Variants in CTBP2 observed in about 807,000 individuals in gnomAD.
The protein encoded by CTBP2 is C-terminal binding protein 2.
Under a neutral mutation model 80.3 loss-of-function variants are expected in CTBP2, and 30 were observed. That is an observed-to-expected ratio of 0.37 (90% confidence interval 0.28 to 0.51). The LOEUF (loss-of-function observed/expected upper bound fraction) is 0.51. CTBP2 is among the 20% of genes least tolerant of loss of function. The pLI is 0.93. For missense variants in CTBP2, 1,212 were observed against 1,375.3 expected (o/e 0.88, Z 1.88); for synonymous variants, 594 against 587.4 (o/e 1.01, Z -0.16).
chr10:125,071,365 G>C (rs1167915422), intron 2 of CTBP2, among the ~76,000 whole-genome samples: 1 of 152,242 alleles, frequency 6.6e-6, no homozygotes, highest in Non-Finnish European at 1.5e-5. Context: ...ATAAAATGCA[G>C]AACACTTGCT....
intron 1 of CTBP2, among the ~76,000 whole-genome samples, chr10:125,022,205 C>G (rs1270187266): frequency 6.6e-6 from 1 of 152,072 alleles, no homozygotes; most frequent in African/African-American, 2.4e-5. Context: ...CCGGTGCACA[C>G]ACATGCGCTG....
intron 2 of CTBP2, among the ~76,000 whole-genome samples, chr10:125,053,073 G>C (rs1963141013): frequency 6.6e-6 from 1 of 150,900 alleles, no homozygotes; most frequent in African/African-American, 2.5e-5. Context: ...GAGTACAAAA[G>C]GCTTATTCGA....
chr10:125,055,755 A>G (rs1963760705), intron 2 of CTBP2, among the ~76,000 whole-genome samples: 1 of 152,226 alleles, frequency 6.6e-6, no homozygotes, highest in Non-Finnish European at 1.5e-5. Flanking sequence ...AAAAAATCAA[A>G]GAGGCAGGTA....
At chr10:125,139,206 T>A (rs543490573) in intron 1 of CTBP2, among the ~76,000 whole-genome samples, 2 of 152,014 alleles carry the variant, frequency 1.3e-5, no homozygotes, top group African/African-American at 4.8e-5. Flanking sequence ...GCCCTGTCTC[T>A]ACTAAAATAC....
intron 8 of CTBP2, among the ~76,000 whole-genome samples, chr10:124,992,180 T>C (rs549796227): frequency 6.6e-6 from 1 of 150,682 alleles, no homozygotes; most frequent in East Asian, 2.0e-4. Context: ...GAACATCTTA[T>C]CTACGTATAC....
intron 2 of CTBP2, among the ~76,000 whole-genome samples, chr10:125,069,563 G>T (rs905477577): frequency 6.6e-6 from 1 of 152,220 alleles, no homozygotes; most frequent in Admixed American, 6.5e-5. Context: ...AGGTTGTAGT[G>T]AGCCTGAGAT....
intron 1 of CTBP2, among the ~76,000 whole-genome samples, chr10:125,152,135 G>T (rs1354913317): frequency 6.6e-6 from 1 of 152,000 alleles, no homozygotes; most frequent in African/African-American, 2.4e-5. Flanking sequence ...GTTCTGGCCC[G>T]CGGGGGCGGG....
At chr10:124,992,091 G>A (rs1228316834) in intron 8 of CTBP2, among the ~76,000 whole-genome samples, 1 of 152,060 alleles carries the variant, frequency 6.6e-6, no homozygotes, top group Non-Finnish European at 1.5e-5. Flanking sequence ...GTACTATCCT[G>A]AGTTGACTGT....
At chr10:125,113,997 C>G (rs903829795) in intron 1 of CTBP2, among the ~76,000 whole-genome samples, 2 of 152,210 alleles carry the variant, frequency 1.3e-5, no homozygotes, top group Admixed American at 1.3e-4. Context: ...ACTGGAGCTA[C>G]AGAAAAGCTA....
At chr10:125,061,908 C>G (rs1965040529) in intron 2 of CTBP2, among the ~76,000 whole-genome samples, 1 of 152,166 alleles carries the variant, frequency 6.6e-6, no homozygotes, top group South Asian at 2.1e-4. Flanking sequence ...GTCTTAGGAA[C>G]CAGGTATGCT....
chr10:125,005,248 G>A (rs1955081272), intron 1 of CTBP2, among the ~76,000 whole-genome samples: 1 of 152,200 alleles, frequency 6.6e-6, no homozygotes, highest in South Asian at 2.1e-4. Flanking sequence ...AGAAGAATGG[G>A]CTGGGGTAGC....
intron 1 of CTBP2, among the ~76,000 whole-genome samples, chr10:125,008,646 G>C (rs1304071183): frequency 1.3e-5 from 2 of 152,252 alleles, no homozygotes; most frequent in Non-Finnish European, 2.9e-5. Context: ...GAAGGTGTCA[G>C]AGTGCTGCAA....
intron 1 of CTBP2, among the ~76,000 whole-genome samples, chr10:125,016,041 C>T (rs1956446478): frequency 6.6e-6 from 1 of 152,132 alleles, no homozygotes; most frequent in African/African-American, 2.4e-5. Context: ...GATCCCTGCA[C>T]CTCACAAAAA....
chr10:125,088,909 C>T (rs904562043), intron 2 of CTBP2, among the ~76,000 whole-genome samples: 45 of 152,302 alleles, frequency 3.0e-4, no homozygotes, highest in Non-Finnish European at 5.9e-4. Flanking sequence ...TCAGTTCTTC[C>T]AAGCCAAAGA....
At chr10:125,072,130 G>A (rs973595520) in intron 2 of CTBP2, among the ~76,000 whole-genome samples, 2 of 152,160 alleles carry the variant, frequency 1.3e-5, no homozygotes, top group African/African-American at 4.8e-5. Context: ...TGGCCAATAT[G>A]GTGAAACCCC....
At chr10:125,065,420 A>G (rs1844471306) in intron 2 of CTBP2, among the ~76,000 whole-genome samples, 1 of 152,234 alleles carries the variant, frequency 6.6e-6, no homozygotes, top group Non-Finnish European at 1.5e-5. Flanking sequence ...CTCATACCTG[A>G]CTGTCAACTT....
chr10:125,143,766 C>T (rs1858259212), intron 1 of CTBP2, among the ~76,000 whole-genome samples: 1 of 152,124 alleles, frequency 6.6e-6, no homozygotes, highest in Non-Finnish European at 1.5e-5. Flanking sequence ...TATGTGAAAA[C>T]AGATAGGTAT....
intron 1 of CTBP2, among the ~76,000 whole-genome samples, chr10:125,113,692 C>T (rs557634473): frequency 1.3e-3 from 195 of 152,264 alleles, no homozygotes; most frequent in African/African-American, 4.5e-3. Context: ...TGAAGACAAA[C>T]GTAGCAACAT....
intron 2 of CTBP2, among the ~76,000 whole-genome samples, chr10:125,073,072 C>T (rs1426279328): frequency 2.0e-5 from 3 of 152,240 alleles, no homozygotes; most frequent in Admixed American, 6.5e-5. Flanking sequence ...AGCAGTTCCA[C>T]GCCGGCTCGC....
Sources: gnomAD v4.1 joint callset for allele counts (sites outside exome capture counted in the v4.1 genomes callset) on GRCh38, gnomAD v4.1.1 for gene constraint, MANE v1.5 for transcripts, NCBI Gene and HGNC (gene_info 2026-07-23, HGNC 2026-07-21) for gene names.